Variants in TENM3 observed in about 807,000 individuals in gnomAD.
The protein encoded by TENM3 is teneurin transmembrane protein 3.
A neutral mutation model predicts 255.1 loss-of-function variants in TENM3; 63 were observed. That is an observed-to-expected ratio of 0.25 (90% CI 0.20 to 0.30). The LOEUF is 0.30. Ranked by LOEUF, TENM3 falls within the 10% of genes least tolerant of loss-of-function variation. The pLI, the probability that TENM3 is intolerant of heterozygous loss-of-function variation, is 1.00. For missense variants in TENM3, 2,929 were observed against 3,461.1 expected, an observed-to-expected ratio of 0.85 and a Z score of 3.86; for synonymous variants, 1,306 against 1,322.3, an observed-to-expected ratio of 0.99 and a Z score of 0.27.
At chr4:182,663,735 G>A (rs1032155264) in intron 6 of TENM3, among the ~76,000 whole-genome samples, 2 of 152,096 alleles carry the variant, frequency 1.3e-5, no homozygotes, top group East Asian at 1.9e-4. Context: ...TGACATTCTT[G>A]TTAGTCATAT....
intron 13 of TENM3, among the ~76,000 whole-genome samples, chr4:182,719,252 CTTTTTTTTT>C (rs11348241): frequency 7.4e-5 from 6 of 80,822 alleles, no homozygotes; most frequent in African/African-American, 1.6e-4. Context: ...TTTTTTTTTT[CTTTTTTTTT>C]TTTTTTTTTT....
chr4:182,372,651 A>G (rs1182361932), intron 3 of TENM3, among the ~76,000 whole-genome samples: 3 of 152,090 alleles, frequency 2.0e-5, no homozygotes, highest in Non-Finnish European at 4.4e-5. Context: ...CCCATGCTGA[A>G]CAAAAAAAAA....
At chr4:182,472,495 G>A (rs1275097926) in intron 3 of TENM3, among the ~76,000 whole-genome samples, 1 of 151,976 alleles carries the variant, frequency 6.6e-6, no homozygotes, top group African/African-American at 2.4e-5. Flanking sequence ...AGAAAATGTG[G>A]CTTGGATATG....
At chr4:181,604,171 A>G in the TENM3 span, among the ~76,000 whole-genome samples, 5 of 152,158 alleles carry the variant, frequency 3.3e-5, no homozygotes, top group Non-Finnish European at 7.3e-5. Flanking sequence ...AGGCTGAGGC[A>G]GGAGAATGGC....
At chr4:181,786,002 G>T in the TENM3 span, among the ~76,000 whole-genome samples, 42 of 152,252 alleles carry the variant, frequency 2.8e-4, no homozygotes, top group African/African-American at 9.9e-4. Flanking sequence ...ATGAAGTGAC[G>T]CTGGGCTGTA....
At chr4:182,489,954 A>T (rs1041653281) in intron 3 of TENM3, among the ~76,000 whole-genome samples, 7 of 152,116 alleles carry the variant, frequency 4.6e-5, no homozygotes, top group African/African-American at 1.7e-4. Context: ...AGAAACTCAA[A>T]ACATGTAAAA....
At chr4:181,702,975 T>A in the TENM3 span, among the ~76,000 whole-genome samples, 1 of 152,168 alleles carries the variant, frequency 6.6e-6, no homozygotes, top group African/African-American at 2.4e-5. Flanking sequence ...AGTACTCCAA[T>A]CATATTAACT....
chr4:182,262,769 A>G (rs1439440607), intron 1 of TENM3, among the ~76,000 whole-genome samples: 5 of 139,898 alleles, frequency 3.6e-5, no homozygotes, highest in African/African-American at 8.3e-5. Context: ...GCTGGAATGC[A>G]GTGGCCTGAT....
At chr4:182,213,926 C>T (rs958196821) in intron 1 of TENM3, among the ~76,000 whole-genome samples, 2 of 152,124 alleles carry the variant, frequency 1.3e-5, no homozygotes, top group East Asian at 1.9e-4. Context: ...CTCAGCCTCC[C>T]GAGTAGCTGG....
chr4:182,491,119 G>A (rs1188468192), intron 3 of TENM3, among the ~76,000 whole-genome samples: 1 of 152,146 alleles, frequency 6.6e-6, no homozygotes, highest in South Asian at 2.1e-4. Flanking sequence ...AAACAAAAAT[G>A]TATAATGAGG....
chr4:182,102,753 G>T, the TENM3 span, among the ~76,000 whole-genome samples: 7 of 152,088 alleles, frequency 4.6e-5, no homozygotes, highest in Non-Finnish European at 8.8e-5. Context: ...TCTGACCTTG[G>T]CCCGTTTCCT....
At chr4:181,863,008 C>G in the TENM3 span, among the ~76,000 whole-genome samples, 2 of 152,074 alleles carry the variant, frequency 1.3e-5, no homozygotes, top group Non-Finnish European at 2.9e-5. Context: ...TTCACAAATA[C>G]GCATGAAAAA....
At chr4:182,178,283 G>A (rs1302306317) in intron 1 of TENM3, among the ~76,000 whole-genome samples, 4 of 152,070 alleles carry the variant, frequency 2.6e-5, no homozygotes, top group Non-Finnish European at 5.9e-5. Context: ...GATAGATGGC[G>A]TCAATTTCTA....
the TENM3 span, among the ~76,000 whole-genome samples, chr4:182,113,070 G>T: frequency 6.6e-6 from 1 of 152,138 alleles, no homozygotes; most frequent in Non-Finnish European, 1.5e-5. Context: ...TATTCTGAAG[G>T]TTAAGACACA....
At chr4:181,607,594 G>A in the TENM3 span, among the ~76,000 whole-genome samples, 1 of 151,690 alleles carries the variant, frequency 6.6e-6, no homozygotes, top group Admixed American at 6.6e-5. Flanking sequence ...TAGTAGAGAC[G>A]GGGTTTCACC....
intron 1 of TENM3, among the ~76,000 whole-genome samples, chr4:182,237,942 AT>A (rs1162276737): frequency 6.6e-6 from 1 of 152,234 alleles, no homozygotes; most frequent in Non-Finnish European, 1.5e-5. Context: ...AGTCCAGCCT[AT>A]GATATTTAGG....
the TENM3 span, among the ~76,000 whole-genome samples, chr4:181,663,025 G>A: frequency 1.3e-5 from 2 of 152,182 alleles, no homozygotes; most frequent in Non-Finnish European, 2.9e-5. Context: ...TGGCCAGAAA[G>A]GTTTCAAGAC....
intron 6 of TENM3, among the ~76,000 whole-genome samples, chr4:182,654,932 C>T (rs778971990): frequency 3.3e-5 from 5 of 151,886 alleles, no homozygotes; most frequent in Non-Finnish European, 4.4e-5. Flanking sequence ...TTACGACATT[C>T]GATTTTTATA....
chr4:182,451,442 T>A (rs973125214), intron 3 of TENM3, among the ~76,000 whole-genome samples: 8 of 152,166 alleles, frequency 5.3e-5, no homozygotes, highest in African/African-American at 1.9e-4. Context: ...TCCTACATAT[T>A]TTTACTTGGT....
Sources: gnomAD v4.1 joint callset for allele counts (sites outside exome capture counted in the v4.1 genomes callset) on GRCh38, gnomAD v4.1.1 for gene constraint, MANE v1.5 for transcripts, NCBI Gene and HGNC (gene_info 2026-07-23, HGNC 2026-07-21) for gene names.